The following CATSPER2 variants were observed in gnomAD, a reference collection of about 807,000 sequenced individuals.
CATSPER2 encodes cation channel sperm associated 2, also known as cation channel sperm-associated protein 2.
Under a neutral mutation model 68.8 loss-of-function variants are expected in CATSPER2, and 56 were observed. The ratio of observed to expected loss-of-function variants is 0.81; its 90% CI spans 0.66 to 1.02. The LOEUF is 1.02. CATSPER2 is among the 50% of genes least tolerant of loss of function. CATSPER2 has a pLI of 0.00. For missense variants in CATSPER2, 582 were observed against 642.0 expected (o/e 0.91, Z 1.01); for synonymous variants, 198 against 229.9 (o/e 0.86, Z 1.26).
chr15:43,648,771 C>T lies in CATSPER2; in HGVS notation c.-145G>A. 2.0e-6 allele frequency: 3 copies of T among 1,528,922 alleles called. No homozygotes were observed. The South Asian group carries it at 3.6e-5, about 18-fold the overall frequency. The allele number at this position is 1,528,922 out of a possible 1,614,324, so 94.7% of individuals were successfully genotyped here. A position where few individuals can be genotyped will look rare whatever the true frequency, so the allele number is the denominator to read the frequency against. ...ACTGCGCCCCATTCCCCGCCCCGCT[C>T]GACCCCCAGGTTTCGGCTCACCCCG... On this transcript the variant is annotated 5_prime_UTR_variant, in exon 1 of 13. Coordinates refer to ENST00000396879, the MANE Select transcript of CATSPER2 (RefSeq NM_172095.4).
intron 7 of CATSPER2, among the ~76,000 whole-genome samples, chr15:43,638,286 CT>C (rs71460446): frequency 0.15 from 12,183 of 80,596 alleles, 508 homozygotes; most frequent in Middle Eastern, 0.32. Flanking sequence ...TTCTTTCTTT[CT>C]TTTTTTTTTT....
intron 10 of CATSPER2, chr15:43,633,528 G>A (rs1470328975): frequency 3.8e-5 from 6 of 159,738 alleles, no homozygotes; most frequent in South Asian, 3.5e-4. Context: ...GCTTTGCACC[G>A]TTTCATCTGC....
intron 7 of CATSPER2, 37 bp from the exon 8 acceptor site, chr15:43,636,256 A>G (rs2085962132): frequency 6.2e-7 from 1 of 1,609,180 alleles, no homozygotes; most frequent in South Asian, 1.1e-5. Context: ...AGAAGCAGAG[A>G]CCTAAACCTT....
intron 9 of CATSPER2, 29 bp downstream of exon 9, chr15:43,635,698 A>C (rs750226869): frequency 6.3e-7 from 1 of 1,594,308 alleles, no homozygotes; most frequent in Admixed American, 1.7e-5. Context: ...TTGAGAAGGA[A>C]AGTTGGGGTT....
rs1419587809 is a variant in CATSPER2, at chr15:43,640,129, T to C, written c.561+195A>G. 7 of 1,454,930 alleles carry C rather than the reference T, an allele frequency of 4.8e-6. No homozygotes were observed. In the African/African-American group the frequency reaches 7.2e-5, roughly 15 times the overall value. 90.1% of individuals were successfully genotyped at this position (1,454,930 alleles called of 1,614,324 possible). On this transcript the variant is annotated intron_variant, in intron 5 of 12. Transcript: ENST00000396879. ...GCAGATGCTCTTGTTGGCATTGATG[T>C]TGTAGTTAGTCTACTTTGCTCCTAA... is the stretch of plus-strand genomic sequence containing the variant.
intron 1 of CATSPER2, among the ~76,000 whole-genome samples, chr15:43,648,306 T>G (rs1427669427): frequency 6.6e-6 from 1 of 151,910 alleles, no homozygotes; most frequent in Non-Finnish European, 1.5e-5. Context: ...CATCTTCACT[T>G]TGTGATGGCA....
At chr15:43,636,295 A>G (rs2141556458) in intron 7 of CATSPER2, 76 bp from the exon 8 acceptor site, 1 of 1,563,476 alleles carries the variant, frequency 6.4e-7, no homozygotes, top group East Asian at 2.2e-5. Flanking sequence ...TTACTTTTAA[A>G]GAAACATAAA....
chr15:43,632,809 G>C lies in CATSPER2; in HGVS notation c.1304C>G (p.Ser435Ter), dbSNP rs1172727107. 6.2e-7 allele frequency: 1 copy of C among 1,613,618 alleles called. No homozygotes were observed. The change falls in exon 11 of 13, where the codon TCA (serine) becomes TGA (stop). Residue 435 changes from serine to a stop codon, truncating the protein, a stop_gained. Transcript: ENST00000396879. LOFTEE classifies it high-confidence loss of function. ...TSASKTEETL[S>*]KKREYQSSSC... ...GGAAGACTGGTACTCTCTCTTTTTT[G>C]ACAAGGTCTCTTCTGTTTTTGATGC...
rs1019313416 is a variant in CATSPER2, at chr15:43,628,581, C to T, written c.*2120G>A. ...TCTTGGCCTTTTTGCCAGACATACTCTTAGGTGAGGACTTTATAATTACCA... is the reference window on the plus strand; with the variant it reads ...TCTTGGCCTTTTTGCCAGACATACTTTTAGGTGAGGACTTTATAATTACCA... On this transcript the variant is annotated 3_prime_UTR_variant, in exon 13 of 13. Coordinates refer to ENST00000396879, the MANE Select transcript of CATSPER2 (RefSeq NM_172095.4). The T allele has an allele frequency of 6.9e-6, 1 of 145,878 alleles. No homozygotes were observed. The highest frequency in any genetic ancestry group is 1.5e-5 in the Non-Finnish European group (1 of 67,130). The allele number at this position is 145,878 out of a possible 1,614,324, so 9.0% of individuals were successfully genotyped here.
At chr15:43,643,473 G>A (rs539041582) in intron 4 of CATSPER2, among the ~76,000 whole-genome samples, 1 of 151,782 alleles carries the variant, frequency 6.6e-6, no homozygotes, top group Non-Finnish European at 1.5e-5. Context: ...GAGAAACTGG[G>A]ACCATAGATG....
rs901105118 is a variant in CATSPER2, at chr15:43,629,604, C to A, written c.*1097G>T. 13 of 143,602 alleles carry A rather than the reference C, an allele frequency of 9.1e-5. No homozygotes were observed. Among genetic ancestry groups the A allele is most frequent in the Admixed American group, 2.8e-4 (4 of 14,468 alleles). 8.9% of individuals were successfully genotyped at this position (143,602 alleles called of 1,614,324 possible). ...AGTCTTCTAACGATGGAATGGGATC[C>A]CTTCTAGATAATAAATCCCAAATAA... On this transcript the variant is annotated 3_prime_UTR_variant, in exon 13 of 13. Transcript: ENST00000396879.
intron 7 of CATSPER2, among the ~76,000 whole-genome samples, chr15:43,638,630 A>AACCACT (rs1181454787): frequency 6.6e-6 from 1 of 151,996 alleles, no homozygotes; most frequent in Admixed American, 6.5e-5. Context: ...AACCAAGCTT[A>AACCACT]ACCACTGGAG....
intron 6 of CATSPER2, 127 bp from the exon 7 acceptor site, chr15:43,639,155 G>A (rs969977902): frequency 1.8e-6 from 2 of 1,124,490 alleles, no homozygotes; most frequent in East Asian, 2.5e-5. Context: ...AGTCATCTTT[G>A]AACCATGGCA....
chr15:43,633,199 C>G, intron 10 of CATSPER2: 2 of 476,502 alleles, frequency 4.2e-6, no homozygotes, highest in African/African-American at 3.9e-5. Flanking sequence ...AACTCACTGC[C>G]ACCACTCTGG....
Position 43,636,660 on chromosome 15 carries a change from G to C in CATSPER2, c.843-441C>G, listed in dbSNP as rs1171449399. Among the ~76,000 whole-genome samples, 2 of 151,594 alleles carry C rather than the reference G, an allele frequency of 1.3e-5. 1 individual carries two copies. The highest frequency in any genetic ancestry group is 2.9e-5 in the Non-Finnish European group (2 of 67,920). Reference sequence around the variant, plus strand: ...CCAGTCTCAGCCTCCCAAAGTGCTAGGATTATAGGTGTGAGCCACCGCACC... The same window carrying C: ...CCAGTCTCAGCCTCCCAAAGTGCTACGATTATAGGTGTGAGCCACCGCACC... On this transcript the variant is annotated intron_variant, in intron 7 of 12. Transcript: ENST00000396879.
intron 7 of CATSPER2, 32 bp downstream of exon 7, chr15:43,638,872 C>G (rs2086015716): frequency 8.7e-6 from 14 of 1,611,420 alleles, no homozygotes; most frequent in Non-Finnish European, 1.1e-5. Context: ...CAAATTTTCT[C>G]CCCTCACCCA....
Position 43,647,316 on chromosome 15 carries a change from CAAAG to C in CATSPER2, c.293_296del (p.Ser98CysfsTer22). On this transcript the variant is annotated frameshift_variant, in exon 3 of 13. Transcript: ENST00000396879. LOFTEE classifies it high-confidence loss of function. ...TACACTCAAGGACCCATCCGGCCCACAAAGAAAGAGGTGGCCTCTGACTGCAGCG... is the reference window on the plus strand; with the variant it reads ...TACACTCAAGGACCCATCCGGCCCACAAAGAGGTGGCCTCTGACTGCAGCG... 1 of 1,611,926 alleles carries C rather than the reference CAAAG, an allele frequency of 6.2e-7. No individual in the cohort carries two copies. Among genetic ancestry groups the C allele is most frequent in the South Asian group, 1.1e-5 (1 of 90,996 alleles).
Position 43,636,216 on chromosome 15 carries a change from G to A in CATSPER2, c.846C>T (p.Asp282=), listed in dbSNP as rs968126143. The change falls in exon 8 of 13, where the codon GAC becomes GAT. Residue 282 remains aspartate, a synonymous_variant. Transcript: ENST00000396879. ...ACACTGTTACCAGGGAATTCGGGAG[G>A]TCCCTAAAGAAAAAGACATGTGAAT... The part of the protein sequence containing the change: ...QDLEYHVFFS[D]LPNSLVTVFI... 1 of 1,613,010 alleles carries A rather than the reference G, an allele frequency of 6.2e-7. No individual in the cohort carries two copies. Among genetic ancestry groups the A allele is most frequent in the South Asian group, 1.1e-5 (1 of 91,018 alleles).
At chr15:43,643,798 T>C (rs1237373841) in intron 4 of CATSPER2, among the ~76,000 whole-genome samples, 3 of 152,002 alleles carry the variant, frequency 2.0e-5, no homozygotes, top group Non-Finnish European at 2.9e-5. Flanking sequence ...AAAATTGTAA[T>C]CTTCAGGAAT....
Sources: allele counts gnomAD v4.1 joint callset (sites outside exome capture counted in the v4.1 genomes callset), GRCh38; gene constraint gnomAD v4.1.1; transcripts MANE v1.5; gene names NCBI Gene and HGNC (gene_info 2026-07-23, HGNC 2026-07-21).